Variants in PPP1R3A observed in about 807,000 individuals in gnomAD.
The protein encoded by PPP1R3A is RG1.
PPP1R3A carries 29 observed loss-of-function variants against 41.7 expected under a neutral mutation model. The ratio of observed to expected loss-of-function variants is 0.70; its 90% CI spans 0.52 to 0.95. The LOEUF (loss-of-function observed/expected upper bound fraction) is 0.95, where lower values mean the gene tolerates loss of function less well. PPP1R3A is among the 40% of genes least tolerant of loss of function. The pLI is 0.00. For missense variants in PPP1R3A, 1,352 were observed against 1,292.4 expected (o/e 1.05, Z -0.71); for synonymous variants, 485 against 453.4 (o/e 1.07, Z -0.89).
chr7:113,906,155 C>A (rs926337427), intron 1 of PPP1R3A, among the ~76,000 whole-genome samples: 6 of 151,738 alleles, frequency 4.0e-5, no homozygotes, highest in African/African-American at 1.2e-4. Context: ...CTGAAAGAAA[C>A]CATCTAAATT....
intron 1 of PPP1R3A, among the ~76,000 whole-genome samples, chr7:113,904,276 G>C (rs565950804): frequency 8.6e-5 from 13 of 151,578 alleles, no homozygotes; most frequent in Admixed American, 4.0e-4. Flanking sequence ...ACCCAGCTTC[G>C]CCTGCTATAC....
At chr7:113,904,087 T>C (rs561680433) in intron 1 of PPP1R3A, among the ~76,000 whole-genome samples, 2 of 151,838 alleles carry the variant, frequency 1.3e-5, no homozygotes, top group South Asian at 4.2e-4. Flanking sequence ...GTAAATACCA[T>C]GTCGATAGCT....
Position 113,878,769 on chromosome 7 carries a change from G to A in PPP1R3A, c.2323C>T (p.Pro775Ser). 6 of 1,613,502 alleles carry A rather than the reference G, an allele frequency of 3.7e-6. No individual in the cohort carries two copies. The highest frequency in any genetic ancestry group is 3.3e-5 in the Admixed American group (2 of 59,860). ...PIEVKETAFD[P>S]HEGRNDDSHY... ...GAATCATCATTTCTCCCTTCATGTG[G>A]ATCAAACGCTGTTTCCTTTACCTCG... The change falls in exon 4 of 4, where the codon CCA becomes TCA. Residue 775 changes from proline (P) to serine (S), a missense_variant. By Grantham distance (74) the Pro-to-Ser change is moderately conservative. Coordinates refer to ENST00000284601, the MANE Select transcript of PPP1R3A (RefSeq NM_002711.4).
intron 1 of PPP1R3A, among the ~76,000 whole-genome samples, chr7:113,914,252 G>A (rs1227068788): frequency 6.6e-6 from 1 of 152,050 alleles, no homozygotes; most frequent in Non-Finnish European, 1.5e-5. Flanking sequence ...TTATTTGACA[G>A]GTGAATAAAC....
chr7:113,879,590 G>T lies in PPP1R3A; in HGVS notation c.1502C>A (p.Thr501Lys), dbSNP rs1450328409. The T allele has an allele frequency of 6.2e-7, 1 of 1,612,892 alleles. No individual in the cohort carries two copies. The highest frequency in any genetic ancestry group is 8.5e-7 in the Non-Finnish European group (1 of 1,179,414). ...SDTSACLKES[T>K]EEGSSKEDYY... ...ATCTTCCTTAGAAGATCCTTCTTCTGTTGATTCTTTGAGACATGCCGACGT... is the reference window on the plus strand; with the variant it reads ...ATCTTCCTTAGAAGATCCTTCTTCTTTTGATTCTTTGAGACATGCCGACGT... The change falls in exon 4 of 4, where the codon ACA (threonine) becomes AAA (lysine). Residue 501 changes from threonine (T) to lysine (K), a missense_variant. Coordinates refer to ENST00000284601, the MANE Select transcript of PPP1R3A (RefSeq NM_002711.4).
chr7:113,879,909 A>C lies in PPP1R3A; in HGVS notation c.1183T>G (p.Ser395Ala), dbSNP rs62001864. The change falls in exon 4 of 4, where the codon TCC becomes GCC. Residue 395 changes from serine (S) to alanine (A), a missense_variant. By Grantham distance (99) the Ser-to-Ala change is moderately conservative (BLOSUM62 1). Transcript: ENST00000284601. ...KGDFYCNEKY[S>A]SGDDCTHQPS... is the part of the protein sequence containing the mutation. The stretch of plus-strand genomic sequence containing the variant: ...TGATGTGTACAGTCATCTCCTGAGG[A>C]ATATTTTTCATTGCAGTAAAAATCT... 3,200 of 1,613,574 alleles carry C rather than the reference A, an allele frequency of 2.0e-3. 46 individuals carry two copies. The African/African-American group carries it at 0.032, about 16-fold the overall frequency.
intron 3 of PPP1R3A, among the ~76,000 whole-genome samples, chr7:113,881,225 T>G (rs1796688422): frequency 2.6e-5 from 4 of 152,060 alleles, no homozygotes. Context: ...GTGGAATATG[T>G]GGGGAAATAG....
At chr7:113,899,969 T>A (rs1330748255) in intron 1 of PPP1R3A, among the ~76,000 whole-genome samples, 3 of 151,754 alleles carry the variant, frequency 2.0e-5, no homozygotes, top group African/African-American at 7.2e-5. Flanking sequence ...TTAATGTAAA[T>A]TGTATATGGA....
chr7:113,907,792 T>G (rs1028995561), intron 1 of PPP1R3A, among the ~76,000 whole-genome samples: 1 of 151,860 alleles, frequency 6.6e-6, no homozygotes, highest in Non-Finnish European at 1.5e-5. Flanking sequence ...TGCCTAGAAA[T>G]GCCACCATTG....
At chr7:113,909,790 C>T (rs1378103694) in intron 1 of PPP1R3A, among the ~76,000 whole-genome samples, 3 of 151,968 alleles carry the variant, frequency 2.0e-5, no homozygotes, top group Non-Finnish European at 2.9e-5. Context: ...TTTAATTCAA[C>T]TGAAAGAGTA....
At chr7:113,880,871 G>GT (rs1356722791) in intron 3 of PPP1R3A, among the ~76,000 whole-genome samples, 1 of 152,034 alleles carries the variant, frequency 6.6e-6, no homozygotes, top group Non-Finnish European at 1.5e-5. Context: ...AGATTTGGTT[G>GT]TATTTCCATC....
rs1796626302 is a variant in PPP1R3A, at chr7:113,878,897, A to G, written c.2195T>C (p.Ile732Thr). ...AGTACTTTCTGATGTTGTCTTAATT[A>G]TATAGGCTGTACCAGCTTCTGCTTT... ...TEKAEAGTAYIIKTTSESTPE... is the reference protein window; with the variant it reads ...TEKAEAGTAYTIKTTSESTPE... The change falls in exon 4 of 4, where the codon ATA becomes ACA. Residue 732 changes from isoleucine to threonine, a missense_variant. Coordinates refer to ENST00000284601, the MANE Select transcript of PPP1R3A (RefSeq NM_002711.4). The G allele has an allele frequency of 6.2e-7, 1 of 1,612,830 alleles. No homozygotes were observed. The highest frequency in any genetic ancestry group is 1.1e-5 in the South Asian group (1 of 91,082).
chr7:113,907,299 G>T (rs898323122), intron 1 of PPP1R3A, among the ~76,000 whole-genome samples: 1 of 151,646 alleles, frequency 6.6e-6, no homozygotes, highest in African/African-American at 2.4e-5. Context: ...TTACATTTCA[G>T]CATATTAAGG....
intron 1 of PPP1R3A, among the ~76,000 whole-genome samples, chr7:113,893,791 T>C (rs1562921737): frequency 6.6e-6 from 1 of 152,038 alleles, no homozygotes; most frequent in Non-Finnish European, 1.5e-5. Context: ...GTTAGAACAT[T>C]GCCCAGTACC....
In PPP1R3A at chr7:113,878,287, C is replaced by G; in HGVS notation, c.2805G>C (p.Glu935Asp). ...GGCTAGCCATGGTAGTAACTGCATT[C>G]TCTACAGCAATTGCCTGCTCATTAG... ...VSTNEQAIAV[E>D]NAVTTMASQP... The change falls in exon 4 of 4, where the codon GAG becomes GAC. Residue 935 changes from glutamate to aspartate, a missense_variant. Physicochemically the swap from Glu to Asp is conservative, Grantham distance 45. Coordinates refer to ENST00000284601, the MANE Select transcript of PPP1R3A (RefSeq NM_002711.4). The G allele has an allele frequency of 6.2e-7, 1 of 1,613,162 alleles. No homozygotes were observed. The highest frequency in any genetic ancestry group is 8.5e-7 in the Non-Finnish European group (1 of 1,179,546).
intron 1 of PPP1R3A, among the ~76,000 whole-genome samples, chr7:113,902,230 T>G (rs1036064974): frequency 1.3e-5 from 2 of 151,696 alleles, no homozygotes; most frequent in African/African-American, 2.4e-5. Flanking sequence ...TGAACTCAAG[T>G]GATACTCCAG....
At position 113,908,339 on chromosome 7, in the gene PPP1R3A, C is replaced by CGT. The variant is rs560116555; in HGVS notation, c.782+9874_782+9875dup. ...AGTGAAAAGCTCGTGTGTGCACACA[C>CGT]GTGTGTGTGTGTGTATTTTTTCCAC... On this transcript the variant is annotated intron_variant, in intron 1 of 3. Transcript: ENST00000284601. 1.7e-4 allele frequency among the ~76,000 whole-genome samples: 25 copies of CGT among 151,454 alleles called. 1 individual carries two copies. The highest frequency in any genetic ancestry group is 4.2e-4 in the South Asian group (2 of 4,808).
chr7:113,907,764 T>C (rs999256419), intron 1 of PPP1R3A, among the ~76,000 whole-genome samples: 1 of 151,682 alleles, frequency 6.6e-6, no homozygotes, highest in Non-Finnish European at 1.5e-5. Flanking sequence ...TTGAAAAAAA[T>C]AGACCGTACC....
chr7:113,897,804 G>C (rs1329392052), intron 1 of PPP1R3A, among the ~76,000 whole-genome samples: 1 of 151,722 alleles, frequency 6.6e-6, no homozygotes, highest in East Asian at 1.9e-4. Flanking sequence ...GACTACTGTT[G>C]AAGATTAGTA....
Sources: gnomAD v4.1 joint callset for allele counts (sites outside exome capture counted in the v4.1 genomes callset) on GRCh38, gnomAD v4.1.1 for gene constraint, MANE v1.5 for transcripts, NCBI Gene and HGNC (gene_info 2026-07-23, HGNC 2026-07-21) for gene names.